Variants in RGL1 observed in about 807,000 individuals in gnomAD.
RGL1 encodes the protein ral guanine nucleotide dissociation stimulator like 1.
A neutral mutation model predicts 95.2 loss-of-function variants in RGL1; 24 were observed. The observed-to-expected ratio is 0.25, with a 90% CI of 0.18 to 0.35. The LOEUF (loss-of-function observed/expected upper bound fraction) is 0.35. Among genes scored for constraint, RGL1 ranks in the 10% least tolerant of loss-of-function variants. RGL1 has a pLI of 1.00. For missense variants in RGL1, 715 were observed against 936.3 expected (o/e 0.76, Z 3.08); for synonymous variants, 329 against 344.9 (o/e 0.95, Z 0.51).
intron 2 of RGL1, among the ~76,000 whole-genome samples, chr1:183,746,486 A>G (rs1657636846): frequency 1.3e-5 from 2 of 152,052 alleles, no homozygotes; most frequent in South Asian, 4.1e-4. Context: ...GTACTTCATT[A>G]ATTTTCACTA....
intron 9 of RGL1, among the ~76,000 whole-genome samples, chr1:183,892,469 A>C (rs1667480390): frequency 6.6e-6 from 1 of 152,276 alleles, no homozygotes; most frequent in Admixed American, 6.5e-5. Context: ...GCTGGCAGTT[A>C]GGTGGGTGAG....
rs528650476 is a variant in RGL1 at position 183,927,264 on chromosome 1, T to A, written c.*972T>A. 2 of 152,756 alleles carry A rather than the reference T, an allele frequency of 1.3e-5. No individual in the cohort carries two copies. Among genetic ancestry groups the A allele is most frequent in the South Asian group, 4.1e-4 (2 of 4,822 alleles). The allele number at this position is 152,756 out of a possible 1,614,324, so 9.5% of individuals were successfully genotyped here. On this transcript the variant is annotated 3_prime_UTR_variant, in exon 18 of 18. Transcript: ENST00000360851. ...GTAAAACTATGTGTCTGGAGTCTTT[T>A]GCCATCTGGATCTTAGTACCTCTTT...
At chr1:183,702,848 G>A (rs933880131) in intron 1 of RGL1, among the ~76,000 whole-genome samples, 8 of 152,202 alleles carry the variant, frequency 5.3e-5, no homozygotes, top group African/African-American at 1.7e-4. Context: ...GCAACACGCT[G>A]TTTTAATGTG....
intron 3 of RGL1, among the ~76,000 whole-genome samples, chr1:183,848,709 A>C (rs1165122688): frequency 3.9e-5 from 6 of 152,242 alleles, no homozygotes; most frequent in African/African-American, 1.4e-4. Flanking sequence ...AGATTTAAAA[A>C]TATTAGTAGT....
intron 1 of RGL1, among the ~76,000 whole-genome samples, chr1:183,692,964 T>A (rs1383747536): frequency 2.0e-5 from 3 of 152,028 alleles, no homozygotes; most frequent in African/African-American, 7.3e-5. Context: ...AAAATTTTTT[T>A]TTTTTTTTGA....
rs115246628 is a variant in RGL1, at chr1:183,818,187, C to T, written c.138+11702C>T. On this transcript the variant is annotated intron_variant, in intron 2 of 17. Coordinates refer to ENST00000360851, the MANE Select transcript of RGL1 (RefSeq NM_001297671.3). ...TGAAATCACTATTATGCTCTTGTTA[C>T]AGCAGCAGGGATGATGATCCTCTTC... Among the ~76,000 whole-genome samples the T allele has an allele frequency of 9.2e-5, 14 of 152,282 alleles. 1 individual carries two copies. The highest frequency in any genetic ancestry group is 1.9e-4 in the Non-Finnish European group (13 of 68,024).
chr1:183,738,018 C>CTAA (rs991404586), intron 1 of RGL1, among the ~76,000 whole-genome samples: 5 of 152,096 alleles, frequency 3.3e-5, no homozygotes, highest in African/African-American at 1.2e-4. Flanking sequence ...AAAATTTTGC[C>CTAA]TTTTAGGTTT....
intron 4 of RGL1, among the ~76,000 whole-genome samples, chr1:183,878,715 A>C (rs1005301288): frequency 6.6e-6 from 1 of 152,210 alleles, no homozygotes; most frequent in African/African-American, 2.4e-5. Context: ...TAAGAAGTGA[A>C]TAATATATTA....
intron 7 of RGL1, among the ~76,000 whole-genome samples, chr1:183,886,219 A>G (rs1667100788): frequency 6.6e-6 from 1 of 152,164 alleles, no homozygotes; most frequent in South Asian, 2.1e-4. Context: ...GTGGTCTGTT[A>G]TTACAGACTT....
At chr1:183,909,880 AG>A (rs1476052057) in intron 14 of RGL1, among the ~76,000 whole-genome samples, 9 of 152,066 alleles carry the variant, frequency 5.9e-5, no homozygotes, top group African/African-American at 2.2e-4. Context: ...TCTCAGTCTT[AG>A]TCTGAGAAAG....
At chr1:183,657,006 C>T (rs184469959) in intron 1 of RGL1, among the ~76,000 whole-genome samples, 4 of 113,814 alleles carry the variant, frequency 3.5e-5, no homozygotes, top group East Asian at 5.8e-4. Flanking sequence ...TTCACAAAAT[C>T]GACTCAAAAA....
chr1:183,827,692 C>A (rs772585421), intron 2 of RGL1, among the ~76,000 whole-genome samples: 2 of 152,218 alleles, frequency 1.3e-5, no homozygotes, highest in Non-Finnish European at 2.9e-5. Flanking sequence ...GCCTCTTAGT[C>A]CTTGAAAAAA....
At chr1:183,659,402 G>T (rs1304641638) in intron 1 of RGL1, among the ~76,000 whole-genome samples, 4 of 152,306 alleles carry the variant, frequency 2.6e-5, no homozygotes, top group East Asian at 1.9e-4. Flanking sequence ...GAGAACTATG[G>T]GAAGAATGCA....
intron 1 of RGL1, among the ~76,000 whole-genome samples, chr1:183,708,302 G>A (rs566048407): frequency 6.6e-6 from 1 of 152,238 alleles, no homozygotes; most frequent in South Asian, 2.1e-4. Context: ...GGAGGGAGAT[G>A]ATAAAAGGAG....
At chr1:183,699,079 T>C (rs548792532) in intron 1 of RGL1, among the ~76,000 whole-genome samples, 1 of 152,368 alleles carries the variant, frequency 6.6e-6, no homozygotes, top group Non-Finnish European at 1.5e-5. Context: ...TGCCCAGTCT[T>C]GGGTGCTGTG....
rs944724641 is a variant in RGL1 at position 183,724,161 on chromosome 1, G to A, written c.-32-17965G>A. Among the ~76,000 whole-genome samples, 5 of 152,206 alleles carry A rather than the reference G, an allele frequency of 3.3e-5. No individual in the cohort carries two copies. Among genetic ancestry groups the A allele is most frequent in the Admixed American group, 6.5e-5 (1 of 15,278 alleles). Reference sequence around the variant, plus strand: ...AACCCAAAATAATCAGCAGTGGTAGGTGGGTAGTACATGCCATGGGTCTTG... The same window carrying A: ...AACCCAAAATAATCAGCAGTGGTAGATGGGTAGTACATGCCATGGGTCTTG... On this transcript the variant is annotated intron_variant, in intron 1 of 18. Transcript: ENST00000304685. This position sits in a 1 kb window ranked among gnomAD's most constrained non-coding sequence, Gnocchi z 4.1.
chr1:183,734,072 G>T (rs1387905247), intron 1 of RGL1, among the ~76,000 whole-genome samples: 2 of 152,228 alleles, frequency 1.3e-5, no homozygotes, highest in African/African-American at 4.8e-5. Flanking sequence ...ATTGAGAACA[G>T]ATTGCTCTTT....
chr1:183,703,885 C>G (rs539208360), intron 1 of RGL1, among the ~76,000 whole-genome samples: 188 of 152,168 alleles, frequency 1.2e-3, no homozygotes, highest in African/African-American at 4.0e-3. Context: ...AAGGTGAGGA[C>G]AAGTGAGAAT....
chr1:183,906,904 T>G, intron 13 of RGL1, 108 bp from the exon 14 acceptor site: 1 of 712,258 alleles, frequency 1.4e-6, no homozygotes, highest in South Asian at 1.6e-5. Context: ...TATCTTTACT[T>G]TGAACAATTA....
Sources: allele counts gnomAD v4.1 joint callset (sites outside exome capture counted in the v4.1 genomes callset), GRCh38; gene constraint gnomAD v4.1.1; non-coding constraint Gnocchi (gnomAD v3.1); transcripts MANE v1.5; gene names NCBI Gene and HGNC (gene_info 2026-07-23, HGNC 2026-07-21).